RAD51B: variants seen among roughly 807,000 people sequenced by gnomAD.
RAD51B encodes RAD51 paralog B.
A neutral mutation model predicts 42.2 loss-of-function variants in RAD51B; 38 were observed. The observed-to-expected ratio is 0.90, with a 90% CI of 0.70 to 1.18. RAD51B has a LOEUF of 1.18. Ranked by LOEUF, RAD51B falls within the 50% of genes most tolerant of loss-of-function variation. The pLI is 0.00. For missense variants in RAD51B, 373 were observed against 400.7 expected, an observed-to-expected ratio of 0.93 and a Z score of 0.59; for synonymous variants, 154 against 145.2, an observed-to-expected ratio of 1.06 and a Z score of -0.43.
chr14:67,836,773 G>A (rs1383368732), intron 4 of RAD51B, among the ~76,000 whole-genome samples: 1 of 152,086 alleles, frequency 6.6e-6, no homozygotes, highest in Non-Finnish European at 1.5e-5. Context: ...CCAACCTTTT[G>A]GAGGAAGAAG....
chr14:68,173,780 A>G lies in RAD51B; in HGVS notation c.757-118104A>G, dbSNP rs183802152. Among the ~76,000 whole-genome samples, 98 of 152,348 alleles carry G rather than the reference A, an allele frequency of 6.4e-4. 1 individual carries two copies. The highest frequency in any genetic ancestry group is 1.2e-3 in the Non-Finnish European group (81 of 68,030). On this transcript the variant is annotated intron_variant, in intron 7 of 10. Coordinates refer to ENST00000471583, the MANE Select transcript of RAD51B (RefSeq NM_133510.4). ...CAACTGCACAGATAAATGTTTACTC[A>G]AGGAAGAATGCATAGCTTTGAAACA... is the stretch of plus-strand genomic sequence containing the variant.
chr14:68,092,060 C>G (rs142091549), intron 7 of RAD51B, among the ~76,000 whole-genome samples: 9,097 of 152,168 alleles, frequency 0.06, 630 homozygotes, highest in African/African-American at 0.17. Context: ...CGGTCTATAT[C>G]TCTGTTATGG....
chr14:68,232,915 G>A (rs926812346), intron 7 of RAD51B, among the ~76,000 whole-genome samples: 5 of 152,186 alleles, frequency 3.3e-5, no homozygotes, highest in African/African-American at 1.2e-4. Flanking sequence ...GGTACTGGAA[G>A]GGCTATGTAG....
chr14:67,821,075 A>G (rs557635562), intron 1 of RAD51B, among the ~76,000 whole-genome samples: 11 of 152,266 alleles, frequency 7.2e-5, no homozygotes, highest in Non-Finnish European at 2.9e-5. Context: ...CTTTTTAGGA[A>G]GCTACTCAAG....
intron 2 of RAD51B, among the ~76,000 whole-genome samples, chr14:67,825,094 AAAAAAAAAAAAAAG>A (rs1320672923): frequency 6.7e-6 from 1 of 149,514 alleles, no homozygotes; most frequent in South Asian, 2.1e-4. Flanking sequence ...AAAAAAAAAA[AAAAAAAAAAAAAAG>A]GAAAGAAACT....
chr14:68,303,504 G>A (rs185784317), intron 8 of RAD51B, among the ~76,000 whole-genome samples: 18 of 151,740 alleles, frequency 1.2e-4, no homozygotes, highest in East Asian at 9.7e-4. Flanking sequence ...CGGAAGTGAC[G>A]GAGTCATTTT....
intron 7 of RAD51B, among the ~76,000 whole-genome samples, chr14:68,004,160 C>G (rs1251961882): frequency 2.6e-5 from 4 of 151,878 alleles, no homozygotes; most frequent in African/African-American, 9.7e-5. Context: ...GAAACCCTGT[C>G]TCTACTAAAA....
chr14:68,221,132 T>C (rs1595567937), intron 7 of RAD51B, among the ~76,000 whole-genome samples: 1 of 152,130 alleles, frequency 6.6e-6, no homozygotes, highest in East Asian at 1.9e-4. Context: ...AAAAGCCCTC[T>C]GCAAATTAAA....
At chr14:68,046,863 G>C (rs1386651676) in intron 7 of RAD51B, among the ~76,000 whole-genome samples, 2 of 152,012 alleles carry the variant, frequency 1.3e-5, no homozygotes, top group Non-Finnish European at 2.9e-5. Context: ...GAAGGATATT[G>C]CATTTCAGTG....
intron 7 of RAD51B, among the ~76,000 whole-genome samples, chr14:68,142,654 T>A (rs1189659218): frequency 1.3e-5 from 2 of 152,168 alleles, no homozygotes; most frequent in East Asian, 3.8e-4. Context: ...AGCAGCATGA[T>A]CGTCATGATT....
At chr14:67,838,454 A>T (rs1254717274) in intron 4 of RAD51B, among the ~76,000 whole-genome samples, 1 of 152,026 alleles carries the variant, frequency 6.6e-6, no homozygotes, top group African/African-American at 2.4e-5. Flanking sequence ...TTTAAATTAA[A>T]AAAAAAGATA....
At chr14:68,139,424 G>A (rs1162458935) in intron 7 of RAD51B, among the ~76,000 whole-genome samples, 1 of 152,068 alleles carries the variant, frequency 6.6e-6, no homozygotes, top group African/African-American at 2.4e-5. Flanking sequence ...GTATAAAATT[G>A]TTCTTGTTTT....
rs1340682955 is a variant in RAD51B at position 67,978,598 on chromosome 14, G to T, written c.756+91394G>T. Among the ~76,000 whole-genome samples, 7 of 152,308 alleles carry T rather than the reference G, an allele frequency of 4.6e-5. No individual in the cohort carries two copies. The South Asian group carries it at 1.0e-3, about 23-fold the overall frequency. On this transcript the variant is annotated intron_variant, in intron 7 of 10. Coordinates refer to ENST00000471583, the MANE Select transcript of RAD51B (RefSeq NM_133510.4). ...TGGGAGAAGAGACAGTGTGAAGGAG[G>T]TGCAGAGGCAGACATGAAAAAGTGT...
At chr14:68,251,137 GA>G (rs2080621629) in intron 7 of RAD51B, among the ~76,000 whole-genome samples, 1 of 151,928 alleles carries the variant, frequency 6.6e-6, no homozygotes, top group South Asian at 2.1e-4. Context: ...ATTCTTGTAT[GA>G]CAGATCCAGG....
At chr14:68,400,615 G>C (rs1395895067) in intron 8 of RAD51B, among the ~76,000 whole-genome samples, 1 of 152,200 alleles carries the variant, frequency 6.6e-6, no homozygotes, top group East Asian at 1.9e-4. Flanking sequence ...CAGGACAGCT[G>C]AAAGGTGTGG....
At chr14:68,015,295 A>G (rs1010092527) in intron 7 of RAD51B, among the ~76,000 whole-genome samples, 1 of 152,182 alleles carries the variant, frequency 6.6e-6, no homozygotes, top group Non-Finnish European at 1.5e-5. Flanking sequence ...AACACCTACT[A>G]TGATGGGGAT....
intron 9 of RAD51B, among the ~76,000 whole-genome samples, chr14:68,456,963 A>G (rs184490012): frequency 8.3e-6 from 1 of 121,090 alleles, no homozygotes; most frequent in East Asian, 2.8e-4. Context: ...CCCAGGCTGG[A>G]GTGCAGTAGC....
chr14:67,833,810 T>G (rs1174640142), intron 3 of RAD51B, among the ~76,000 whole-genome samples: 2 of 152,250 alleles, frequency 1.3e-5, no homozygotes, highest in Admixed American at 6.5e-5. Flanking sequence ...TTAGATATAG[T>G]TGCTAGTACC....
At chr14:68,283,656 G>A (rs572822651) in intron 7 of RAD51B, among the ~76,000 whole-genome samples, 1 of 152,328 alleles carries the variant, frequency 6.6e-6, no homozygotes, top group East Asian at 1.9e-4. Flanking sequence ...TGCTGTTTGT[G>A]GCCTCTTTAC....
Sources: allele counts gnomAD v4.1 joint callset (sites outside exome capture counted in the v4.1 genomes callset), GRCh38; gene constraint gnomAD v4.1.1; transcripts MANE v1.5; gene names NCBI Gene and HGNC (gene_info 2026-07-23, HGNC 2026-07-21).